CACNA1G: variants seen among roughly 807,000 people sequenced by gnomAD.
CACNA1G encodes the protein voltage-dependent T-type calcium channel subunit alpha-1G.
In CACNA1G, 67 loss-of-function variants were observed where a neutral mutation model predicts 219.4. The observed-to-expected ratio is 0.31, with a 90% CI of 0.25 to 0.37. The LOEUF is 0.37. Ranked by LOEUF, CACNA1G falls within the 10% of genes least tolerant of loss-of-function variation. The pLI is 1.00. For synonymous variants in CACNA1G, 1,296 were observed against 1,345.3 expected (o/e 0.96, Z 0.80); for missense variants, 2,380 against 3,231.4 (o/e 0.74, Z 6.39).
Position 50,575,543 on chromosome 17 carries a change from G to A in CACNA1G, c.1141G>A (p.Val381Met). 1 of 1,605,410 alleles carries A rather than the reference G, an allele frequency of 6.2e-7. No homozygotes were observed. Among genetic ancestry groups the A allele is most frequent in the Non-Finnish European group, 8.5e-7 (1 of 1,173,882 alleles). ...CCTCTTCCTGTCCCCACCCCTACAG[G>A]TGGGCTCCTTCTTCATGATCAACCT... ...NFIYFILLIIVGSFFMINLCL... is the reference protein window; with the variant it reads ...NFIYFILLIIMGSFFMINLCL... The change falls in exon 8 of 38, where the codon GTG (valine) becomes ATG (methionine). Residue 381 changes from valine to methionine, a missense_variant and splice_region_variant. Coordinates refer to ENST00000359106, the MANE Select transcript of CACNA1G (RefSeq NM_018896.5).
Position 50,599,620 on chromosome 17 carries a change from G to A in CACNA1G, c.3451G>A (p.Ala1151Thr), listed in dbSNP as rs1443600724. Residue 1151 changes from alanine to threonine, a missense_variant, in exon 17 of 38, where the codon GCC becomes ACC. Physicochemically the swap from Ala to Thr is moderately conservative, Grantham distance 58. Transcript: ENST00000359106. ...AGAGGAGAGCTCAGAAGAGGAGCGG[G>A]CCAGCCCTGCGGGCAGTGACCATCG... ...DEEESSEEER[A>T]SPAGSDHRHR... The A allele has an allele frequency of 1.9e-6, 3 of 1,612,792 alleles. No homozygotes were observed. Among genetic ancestry groups the A allele is most frequent in the Admixed American group, 1.7e-5 (1 of 59,844 alleles).
In CACNA1G at chr17:50,626,240, C is replaced by T. The variant is rs769918898; in HGVS notation, c.6623C>T (p.Pro2208Leu). 7 of 1,613,820 alleles carry T rather than the reference C, an allele frequency of 4.3e-6. No individual in the cohort carries two copies. The highest frequency in any genetic ancestry group is 4.2e-6 in the Non-Finnish European group (5 of 1,179,876). Residue 2208 changes from proline to leucine, a missense_variant, in exon 38 of 38, where the codon CCT becomes CTT. This residue lies in a region of CACNA1G where 672 missense variants were observed against 670.5 expected (regional missense o/e 1.00). Transcript: ENST00000359106. This position sits in a 1 kb window ranked among gnomAD's most constrained non-coding sequence, Gnocchi z 4.3. ...PGPEPNWGKG[P>L]PETRSSLELD... The stretch of plus-strand genomic sequence containing the variant: ...CCAGAACCCAACTGGGGCAAGGGCC[C>T]TCCAGAGACCAGAAGCAGCTTAGAG...
chr17:50,576,881 C>T (rs1292433672), intron 8 of CACNA1G, among the ~76,000 whole-genome samples: 3 of 152,216 alleles, frequency 2.0e-5, no homozygotes, highest in African/African-American at 7.2e-5. Context: ...CTCATTGCCT[C>T]CGCACAGGGA....
rs369596277 is a variant in CACNA1G, at chr17:50,606,957, G to A, written c.4480G>A (p.Asp1494Asn). 82 of 1,613,840 alleles carry A rather than the reference G, an allele frequency of 5.1e-5. No homozygotes were observed. The highest frequency in any genetic ancestry group is 6.7e-5 in the Non-Finnish European group (79 of 1,179,850). ...GGATGGTTGGGTGGACATCATGTAC[G>A]ATGGGCTGGATGCTGTGGGCGTGGA... ...SKDGWVDIMYDGLDAVGVDQQ... is the reference protein window; with the variant it reads ...SKDGWVDIMYNGLDAVGVDQQ... Residue 1494 changes from aspartate (D) to asparagine (N), a missense_variant, in exon 24 of 38, where the codon GAT becomes AAT. By Grantham distance (23) the Asp-to-Asn change is conservative (BLOSUM62 1). Coordinates refer to ENST00000359106, the MANE Select transcript of CACNA1G (RefSeq NM_018896.5).
At position 50,617,891 on chromosome 17, in the gene CACNA1G, C is replaced by G; in HGVS notation, c.5188C>G (p.Arg1730Gly). The stretch of plus-strand genomic sequence containing the variant: ...GCTGCTGAAGATGGCTGTGGGCATG[C>G]GGGCGCTGCTGGACACGGTGATGCA... ...LKLLKMAVGM[R>G]ALLDTVMQAL... The change falls in exon 30 of 38, where the codon CGG (arginine) becomes GGG (glycine). Residue 1730 changes from arginine (R) to glycine (G), a missense_variant. Physicochemically the swap from Arg to Gly is moderately radical, Grantham distance 125. Coordinates refer to ENST00000359106, the MANE Select transcript of CACNA1G (RefSeq NM_018896.5). The surrounding 1 kb of genome is among the most constrained non-coding windows in gnomAD (Gnocchi z 5.8). 6.2e-7 allele frequency: 1 copy of G among 1,613,570 alleles called. No individual in the cohort carries two copies. The highest frequency in any genetic ancestry group is 8.5e-7 in the Non-Finnish European group (1 of 1,179,868).
intron 9 of CACNA1G, among the ~76,000 whole-genome samples, chr17:50,584,233 G>A (rs939265253): frequency 2.0e-5 from 3 of 152,042 alleles, no homozygotes; most frequent in Non-Finnish European, 2.9e-5. Context: ...GTTTAGTGTC[G>A]TCTACACCCC....
intron 13 of CACNA1G, among the ~76,000 whole-genome samples, chr17:50,593,826 C>A (rs1358797697): frequency 1.3e-5 from 2 of 152,176 alleles, no homozygotes; most frequent in Non-Finnish European, 2.9e-5. Context: ...GACTGTGGCC[C>A]CGGAGTGCCC....
chr17:50,608,070 C>T lies in CACNA1G; in HGVS notation c.4705+51C>T, dbSNP rs373622072. 106 of 1,526,684 alleles carry T rather than the reference C, an allele frequency of 6.9e-5. No homozygotes were observed. The African/African-American group carries it at 1.3e-3, about 19-fold the overall frequency. 94.6% of individuals were successfully genotyped at this position (1,526,684 alleles called of 1,614,324 possible). A position where few individuals can be genotyped will look rare whatever the true frequency, so the allele number is the denominator to read the frequency against. ...GTAGTCTTTCCACCTCTCTCTGGGT[C>T]GTGCTTGACCTTGGCCTTGCGACTG... is the stretch of plus-strand genomic sequence containing the variant. On this transcript the variant is annotated intron_variant, in intron 25 of 37. Transcript: ENST00000359106.
chr17:50,572,577 G>A lies in CACNA1G; in HGVS notation c.770G>A (p.Arg257His), dbSNP rs868480309. The A allele has an allele frequency of 9.6e-6, 15 of 1,568,462 alleles. No individual in the cohort carries two copies. The highest frequency in any genetic ancestry group is 2.3e-5 in the East Asian group (1 of 42,784). ...AGCCCCCTGAGCGTGGACCTGGAGC[G>A]CTATTACCAGACAGAGAACGAGGAT... The part of the protein sequence containing the change: ...FSLPLSVDLE[R>H]YYQTENEDES... The change falls in exon 6 of 38, where the codon CGC (arginine) becomes CAC (histidine). Residue 257 changes from arginine to histidine, a missense_variant. Physicochemically the swap from Arg to His is conservative, Grantham distance 29. Transcript: ENST00000359106.
intron 11 of CACNA1G, 57 bp from the exon 12 acceptor site, chr17:50,591,682 G>A: frequency 6.2e-7 from 1 of 1,609,900 alleles, no homozygotes; most frequent in Non-Finnish European, 8.5e-7. Flanking sequence ...AGGAGGGCCT[G>A]AGGGGTGAGG....
chr17:50,624,324 T>TA, intron 36 of CACNA1G, 36 bp from the exon 37 acceptor site: 23 of 1,177,594 alleles, frequency 2.0e-5, no homozygotes, highest in Non-Finnish European at 2.0e-5. Flanking sequence ...CTCCATTCTC[T>TA]CCCCCCACCC....
chr17:50,604,428 C>T, intron 22 of CACNA1G, 147 bp downstream of exon 22: 3 of 1,039,824 alleles, frequency 2.9e-6, no homozygotes, highest in Non-Finnish European at 4.1e-6. Context: ...GCTCTAGGCC[C>T]TTTTACCTCC....
In CACNA1G at chr17:50,579,474, A is replaced by G. The variant is rs539820149; in HGVS notation, c.2301+910A>G. On this transcript the variant is annotated intron_variant, in intron 9 of 37. Transcript: ENST00000359106. Reference sequence around the variant, plus strand: ...CCAAGCAGGCACCATGGGTCCTCACAACTGGGTTTGGCTCCCTCTTCCACA... The same window carrying G: ...CCAAGCAGGCACCATGGGTCCTCACGACTGGGTTTGGCTCCCTCTTCCACA... 2.6e-5 allele frequency among the ~76,000 whole-genome samples: 4 copies of G among 152,214 alleles called. No individual in the cohort carries two copies. In the East Asian group the frequency reaches 7.7e-4, roughly 29 times the overall value.
At position 50,617,945 on chromosome 17, in the gene CACNA1G, G is replaced by T; in HGVS notation, c.5226+16G>T. 1 of 1,613,526 alleles carries T rather than the reference G, an allele frequency of 6.2e-7. No individual in the cohort carries two copies. The highest frequency in any genetic ancestry group is 2.2e-5 in the East Asian group (1 of 44,888). On this transcript the variant is annotated intron_variant, in intron 30 of 37. Transcript: ENST00000359106. The surrounding 1 kb of genome is among the most constrained non-coding windows in gnomAD (Gnocchi z 5.8). ...CCTGCCCCAGGTAGCCGGGAGGTGG[G>T]GGGCCTCTGGGGAGGGGGAGGTGCT...
At position 50,569,774 on chromosome 17, in the gene CACNA1G, G is replaced by T; in HGVS notation, c.557G>T (p.Arg186Leu). The T allele has an allele frequency of 6.4e-7, 1 of 1,550,586 alleles. No homozygotes were observed. The change falls in exon 4 of 38, where the codon CGA (arginine) becomes CTA (leucine). Residue 186 changes from arginine (R) to leucine (L), a missense_variant. This residue lies in a region of CACNA1G where 56 missense variants were observed against 135.8 expected (regional missense o/e 0.41). Coordinates refer to ENST00000359106, the MANE Select transcript of CACNA1G (RefSeq NM_018896.5). ...FSAVRTVRVL[R>L]PLRAINRVPS... ...GCTGTCAGGACAGTCCGTGTGCTGC[G>T]ACCGCTCAGGGCCATTAACCGGGTG...
At chr17:50,576,507 A>T (rs1394023994) in intron 8 of CACNA1G, among the ~76,000 whole-genome samples, 181 bp downstream of exon 8, 2 of 152,258 alleles carry the variant, frequency 1.3e-5, no homozygotes, top group Non-Finnish European at 2.9e-5. Context: ...CTCATCTGCT[A>T]AAGTGGAACT....
rs1327828654 is a variant in CACNA1G at position 50,626,954 on chromosome 17, CAGA to C, written c.*206_*208del. On this transcript the variant is annotated 3_prime_UTR_variant, in exon 38 of 38. Transcript: ENST00000359106. The surrounding 1 kb of genome is among the most constrained non-coding windows in gnomAD (Gnocchi z 4.3). ...CAGCCCCGGCAACTCTGGCTCCAGG[CAGA>C]AGGAGAGGCCCGGTGCAGCTGAGGT... The C allele has an allele frequency of 2.8e-6, 2 of 726,124 alleles. No individual in the cohort carries two copies. The highest frequency in any genetic ancestry group is 4.9e-6 in the Non-Finnish European group (2 of 407,852). 45.0% of individuals were successfully genotyped at this position (726,124 alleles called of 1,614,324 possible). A position where few individuals can be genotyped will look rare whatever the true frequency, so the allele number is the denominator to read the frequency against.
intron 25 of CACNA1G, among the ~76,000 whole-genome samples, chr17:50,608,416 GT>G (rs199947424): frequency 0.055 from 8,411 of 152,012 alleles, 341 homozygotes; most frequent in Middle Eastern, 0.11. Context: ...CACCCACCTA[GT>G]GTCTGCAGCT....
rs1279797529 is a variant in CACNA1G at position 50,626,481 on chromosome 17, T to C, written c.6864T>C (p.Ser2288=). ...GSQPHLGTDP[S]NLGGQPLGGP... ...AACCCCACCTGGGCACAGACCCCTCTAACCTTGGGGGCCAGCCTCTTGGGG... is the reference window on the plus strand; with the variant it reads ...AACCCCACCTGGGCACAGACCCCTCCAACCTTGGGGGCCAGCCTCTTGGGG... Residue 2288 remains serine, a synonymous_variant, in exon 38 of 38, where the codon TCT becomes TCC. Coordinates refer to ENST00000359106, the MANE Select transcript of CACNA1G (RefSeq NM_018896.5). The surrounding 1 kb of genome is among the most constrained non-coding windows in gnomAD (Gnocchi z 4.3). 6.3e-7 allele frequency: 1 copy of C among 1,595,562 alleles called. No individual in the cohort carries two copies. Among genetic ancestry groups the C allele is most frequent in the Admixed American group, 1.7e-5 (1 of 57,708 alleles).
Sources: gnomAD v4.1 joint callset for allele counts (sites outside exome capture counted in the v4.1 genomes callset) on GRCh38, gnomAD v4.1.1 for gene constraint, gnomAD v4.1.1 regional missense constraint, Gnocchi (gnomAD v3.1) non-coding constraint, MANE v1.5 for transcripts, NCBI Gene and HGNC (gene_info 2026-07-23, HGNC 2026-07-21) for gene names.